ZMYM4: variants seen among roughly 807,000 people sequenced by gnomAD.
The protein encoded by ZMYM4 is zinc finger MYM-type protein 4.
Under a neutral mutation model 183.2 loss-of-function variants are expected in ZMYM4, and 31 were observed. The observed-to-expected ratio is 0.17, with a 90% CI of 0.13 to 0.23. The LOEUF (loss-of-function observed/expected upper bound fraction) is 0.23, where lower values mean the gene tolerates loss of function less well. Among genes scored for constraint, ZMYM4 ranks in the 10% least tolerant of loss-of-function variants. The pLI is 1.00. For missense variants in ZMYM4, 1,273 were observed against 1,840.3 expected, an observed-to-expected ratio of 0.69 and a Z score of 5.64; for synonymous variants, 592 against 631.2, an observed-to-expected ratio of 0.94 and a Z score of 0.93.
At chr1:35,311,194 T>A (rs11583028) in intron 1 of ZMYM4, among the ~76,000 whole-genome samples, 1 of 151,964 alleles carries the variant, frequency 6.6e-6, no homozygotes, top group Non-Finnish European at 1.5e-5. Context: ...CTGAGGCAGG[T>A]GGATCACCTG....
chr1:35,414,538 A>G (rs1221521895), intron 27 of ZMYM4, among the ~76,000 whole-genome samples: 4 of 152,220 alleles, frequency 2.6e-5, no homozygotes, highest in Non-Finnish European at 5.9e-5. Flanking sequence ...GTTCAATGTT[A>G]TGCTTAGTAA....
chr1:35,412,101 G>A (rs550816079), intron 26 of ZMYM4, among the ~76,000 whole-genome samples: 85 of 151,000 alleles, frequency 5.6e-4, no homozygotes, highest in Non-Finnish European at 9.0e-4. Flanking sequence ...CCGTGGTCTC[G>A]ATCTCCTGAC....
At chr1:35,382,508 T>C (rs1644486716) in intron 9 of ZMYM4, among the ~76,000 whole-genome samples, 1 of 151,402 alleles carries the variant, frequency 6.6e-6, no homozygotes, top group Admixed American at 6.6e-5. Context: ...TGGAGTGTGA[T>C]CCCGGCTCAC....
chr1:35,381,247 T>A lies in ZMYM4; in HGVS notation c.1182-12T>A, dbSNP rs771061420. 6.4e-7 allele frequency: 1 copy of A among 1,560,650 alleles called. No homozygotes were observed. Among genetic ancestry groups the A allele is most frequent in the Admixed American group, 2.1e-5 (1 of 48,770 alleles). On this transcript the variant is annotated splice_polypyrimidine_tract_variant and intron_variant, in intron 7 of 29. Transcript: ENST00000314607. ...TATACCATGGCTTATGTTATTTTTTTCTTATTTTTAGAGACATTTTAAATC... is the reference window on the plus strand; with the variant it reads ...TATACCATGGCTTATGTTATTTTTTACTTATTTTTAGAGACATTTTAAATC...
Position 35,415,509 on chromosome 1 carries a change from C to T in ZMYM4, c.4104C>T (p.Cys1368=), listed in dbSNP as rs943828056. The part of the protein sequence containing the change: ...SRIEEEHLWE[C]KQLGAYSPIV... ...TTGAGGAAGAGCATTTGTGGGAGTGCAAACAGCTGGGCGCTTACTCACCAA... is the reference window on the plus strand; with the variant it reads ...TTGAGGAAGAGCATTTGTGGGAGTGTAAACAGCTGGGCGCTTACTCACCAA... The change falls in exon 28 of 30, where the codon TGC becomes TGT. Residue 1368 remains cysteine (C), a synonymous_variant. Coordinates refer to ENST00000314607, the MANE Select transcript of ZMYM4 (RefSeq NM_005095.3). 1 of 1,614,200 alleles carries T rather than the reference C, an allele frequency of 6.2e-7. No homozygotes were observed. Among genetic ancestry groups the T allele is most frequent in the Non-Finnish European group, 8.5e-7 (1 of 1,180,030 alleles).
At position 35,296,224 on chromosome 1, in the gene ZMYM4, A is replaced by G. The variant is rs138301652; in HGVS notation, c.39+27139A>G. ...AAATGTAGTTGGGTGGTAGGTGTGC[A>G]GGTTGCAGAGGATGAGTCCACTTCA... On this transcript the variant is annotated intron_variant, in intron 1 of 29. Coordinates refer to ENST00000314607, the MANE Select transcript of ZMYM4 (RefSeq NM_005095.3). Among the ~76,000 whole-genome samples the G allele has an allele frequency of 7.9e-5, 12 of 152,312 alleles. No individual in the cohort carries two copies. The East Asian group carries it at 2.3e-3, about 29-fold the overall frequency.
intron 22 of ZMYM4, 63 bp downstream of exon 22, chr1:35,399,106 A>G (rs563313290): frequency 3.1e-5 from 47 of 1,513,236 alleles, no homozygotes; most frequent in Non-Finnish European, 4.3e-5. Flanking sequence ...ACAACTCTGA[A>G]TTGACACTAT....
chr1:35,384,868 A>G (rs1644541896), intron 9 of ZMYM4, among the ~76,000 whole-genome samples: 1 of 139,958 alleles, frequency 7.1e-6, no homozygotes, highest in African/African-American at 2.7e-5. Context: ...TTGAGGTGGA[A>G]TCTTCTCATT....
intron 6 of ZMYM4, 50 bp from the exon 7 acceptor site, chr1:35,370,322 A>G: frequency 6.9e-7 from 1 of 1,458,506 alleles, no homozygotes; most frequent in Non-Finnish European, 9.0e-7. Flanking sequence ...AAAAAGTAAA[A>G]CATTTTTTTC....
At chr1:35,306,980 GT>G (rs1641561461) in intron 1 of ZMYM4, among the ~76,000 whole-genome samples, 1 of 152,138 alleles carries the variant, frequency 6.6e-6, no homozygotes, top group Admixed American at 6.5e-5. Flanking sequence ...TTTCAGATCT[GT>G]TTTAACATAG....
intron 1 of ZMYM4, chr1:35,295,901 A>G (rs1212772764): frequency 6.6e-6 from 1 of 152,194 alleles, no homozygotes. Context: ...TATATAGATT[A>G]AACTGCCCAT....
chr1:35,311,787 G>A (rs764012698), intron 1 of ZMYM4, among the ~76,000 whole-genome samples: 1 of 152,066 alleles, frequency 6.6e-6, no homozygotes, highest in Non-Finnish European at 1.5e-5. Flanking sequence ...TATAGAAATA[G>A]TTATATTTAT....
At position 35,419,801 on chromosome 1, in the gene ZMYM4, A is replaced by G. The variant is rs1640264424; in HGVS notation, c.*124A>G. ...ACTTGACCATAAGATCATGGAAAAC[A>G]GATGACTTGTGAACCCCACAGTGTG... is the stretch of plus-strand genomic sequence containing the variant. On this transcript the variant is annotated 3_prime_UTR_variant, in exon 30 of 30. Transcript: ENST00000314607. The G allele has an allele frequency of 1.0e-6, 1 of 972,160 alleles. No homozygotes were observed. 60.2% of individuals were successfully genotyped at this position (972,160 alleles called of 1,614,324 possible). A position where few individuals can be genotyped will look rare whatever the true frequency, so the allele number is the denominator to read the frequency against.
At chr1:35,407,907 G>T in intron 25 of ZMYM4, 101 bp from the exon 26 acceptor site, 1 of 1,457,236 alleles carries the variant, frequency 6.9e-7, no homozygotes, top group Non-Finnish European at 9.4e-7. Flanking sequence ...AGTCTGCACC[G>T]CAGTGCCTGG....
intron 1 of ZMYM4, 116 bp downstream of exon 1, chr1:35,269,201 C>T (rs949940836): frequency 1.7e-6 from 2 of 1,148,528 alleles, no homozygotes; most frequent in Non-Finnish European, 2.3e-6. Context: ...GACAAGGTTG[C>T]GGGCAGGTCT....
chr1:35,407,722 G>A (rs746499778), intron 25 of ZMYM4, among the ~76,000 whole-genome samples: 1 of 152,040 alleles, frequency 6.6e-6, no homozygotes, highest in Admixed American at 6.5e-5. Flanking sequence ...CCAGTATCAC[G>A]TTTCCCAGAA....
In ZMYM4 at chr1:35,387,486, T is replaced by C. The variant is rs760433492; in HGVS notation, c.2145T>C (p.Cys715=). 3.1e-6 allele frequency: 5 copies of C among 1,611,488 alleles called. No individual in the cohort carries two copies. Among genetic ancestry groups the C allele is most frequent in the Non-Finnish European group, 4.2e-6 (5 of 1,179,304 alleles). Residue 715 remains cysteine (C), a synonymous_variant, in exon 13 of 30, where the codon TGT becomes TGC. Transcript: ENST00000314607. ...GKMFQFCGKN[C]SDEYKKINNV... ...TGTTTCAGTTCTGTGGCAAGAATTG[T>C]TCTGATGAATATAAGAAAATAAATA...
At position 35,419,498 on chromosome 1, in the gene ZMYM4, G is replaced by A. The variant is rs778042652; in HGVS notation, c.4468G>A (p.Val1490Met). Residue 1490 changes from valine to methionine, a missense_variant, in exon 30 of 30, where the codon GTG (valine) becomes ATG (methionine). Coordinates refer to ENST00000314607, the MANE Select transcript of ZMYM4 (RefSeq NM_005095.3). Reference sequence around the variant, plus strand: ...TGAAAGTGTGAAGCAAAGGAATGATGTGTTTTACCTTCAACCTGAGCGCTC... The same window carrying A: ...TGAAAGTGTGAAGCAAAGGAATGATATGTTTTACCTTCAACCTGAGCGCTC... The part of the protein sequence containing the change: ...CSESVKQRND[V>M]FYLQPERSCV... The A allele has an allele frequency of 6.2e-7, 1 of 1,612,738 alleles. No homozygotes were observed.
At chr1:35,376,998 C>A (rs947813798) in intron 7 of ZMYM4, among the ~76,000 whole-genome samples, 1 of 152,006 alleles carries the variant, frequency 6.6e-6, no homozygotes, top group African/African-American at 2.4e-5. Flanking sequence ...CTTCCGCCTC[C>A]CAGGTTCAAG....
Sources: gnomAD v4.1 joint callset for allele counts (sites outside exome capture counted in the v4.1 genomes callset) on GRCh38, gnomAD v4.1.1 for gene constraint, MANE v1.5 for transcripts, NCBI Gene and HGNC (gene_info 2026-07-23, HGNC 2026-07-21) for gene names.